GMDS: variants seen among roughly 807,000 people sequenced by gnomAD.
GMDS encodes GDP-mannose 4,6 dehydratase.
In GMDS, 20 loss-of-function variants were observed where a neutral mutation model predicts 49.9. That is an observed-to-expected ratio of 0.40 (90% confidence interval 0.28 to 0.58). GMDS has a LOEUF of 0.58. Among genes scored for constraint, GMDS ranks in the 20% least tolerant of loss-of-function variants. The pLI is 0.42. For missense variants in GMDS, 362 were observed against 481.4 expected (o/e 0.75, Z 2.32); for synonymous variants, 177 against 178.6 (o/e 0.99, Z 0.07).
intron 4 of GMDS, among the ~76,000 whole-genome samples, chr6:1,965,789 T>G (rs1369591413): frequency 2.6e-5 from 4 of 152,058 alleles, no homozygotes; most frequent in Admixed American, 2.0e-4. Context: ...GCCATGATCA[T>G]GACACTGCAC....
At chr6:2,188,398 G>A (rs904700420) in intron 1 of GMDS, among the ~76,000 whole-genome samples, 10 of 152,108 alleles carry the variant, frequency 6.6e-5, no homozygotes, top group Non-Finnish European at 1.3e-4. Context: ...GCCTCATCTG[G>A]GATGTCTGAA....
chr6:1,666,939 A>G (rs747987052), intron 9 of GMDS, among the ~76,000 whole-genome samples: 31 of 152,180 alleles, frequency 2.0e-4, no homozygotes, highest in Admixed American at 1.3e-4. Context: ...CCTCTGGGGG[A>G]AGGGCACTGT....
chr6:1,765,424 C>A (rs1248482884), intron 7 of GMDS, among the ~76,000 whole-genome samples: 1 of 152,128 alleles, frequency 6.6e-6, no homozygotes, highest in Non-Finnish European at 1.5e-5. Flanking sequence ...TGAAAAACCC[C>A]TCGAGCAGAT....
intron 7 of GMDS, among the ~76,000 whole-genome samples, chr6:1,906,754 G>A (rs1024952246): frequency 2.0e-5 from 3 of 152,164 alleles, no homozygotes; most frequent in African/African-American, 7.2e-5. Flanking sequence ...GACAAGGAAA[G>A]GAGTAGGAGC....
chr6:1,946,044 T>C (rs1313577969), intron 6 of GMDS, among the ~76,000 whole-genome samples: 3 of 152,192 alleles, frequency 2.0e-5, no homozygotes, highest in African/African-American at 4.8e-5. Context: ...AAATTTCAGG[T>C]GAAAGATTTG....
At chr6:2,084,709 G>A (rs1367795211) in intron 4 of GMDS, among the ~76,000 whole-genome samples, 2 of 151,972 alleles carry the variant, frequency 1.3e-5, no homozygotes, top group African/African-American at 2.4e-5. Context: ...GGGTTTCACC[G>A]TGTTAGCCAG....
chr6:1,780,157 T>C (rs1001221464), intron 7 of GMDS, among the ~76,000 whole-genome samples: 4 of 152,238 alleles, frequency 2.6e-5, no homozygotes, highest in African/African-American at 9.6e-5. Flanking sequence ...TACGTAAAGA[T>C]ACATGCTGGC....
intron 7 of GMDS, among the ~76,000 whole-genome samples, chr6:1,789,563 T>C (rs1352204096): frequency 1.3e-5 from 2 of 150,110 alleles, no homozygotes; most frequent in African/African-American, 4.9e-5. Context: ...CCTGACAGGC[T>C]CTTGCTCTGT....
At chr6:2,226,129 G>C (rs1224571846) in intron 1 of GMDS, among the ~76,000 whole-genome samples, 3 of 152,316 alleles carry the variant, frequency 2.0e-5, no homozygotes, top group South Asian at 4.1e-4. Flanking sequence ...GTTTCTGCTA[G>C]ACCAACACTG....
chr6:1,676,205 C>T (rs1402893040), intron 9 of GMDS, among the ~76,000 whole-genome samples: 2 of 152,156 alleles, frequency 1.3e-5, no homozygotes, highest in Non-Finnish European at 2.9e-5. Context: ...GAATAAAATA[C>T]TTAGGAATCC....
At chr6:1,680,005 C>G (rs1251522743) in intron 9 of GMDS, 1 of 152,180 alleles carries the variant, frequency 6.6e-6, no homozygotes, top group African/African-American at 2.4e-5. Flanking sequence ...ATGTCACAGC[C>G]TGGATAAGCC....
rs756395962 is a variant in GMDS at position 2,124,679 on chromosome 6, T to C, written c.147+8A>G. On this transcript the variant is annotated splice_region_variant and intron_variant, in intron 2 of 10. Transcript: ENST00000380815. ...CAGCCTGCGCCCGCTTCCCATTGAG[T>C]CACCCACCTCATAGCCTTTCTCCAG... 1 of 1,612,470 alleles carries C rather than the reference T, an allele frequency of 6.2e-7. No homozygotes were observed. The highest frequency in any genetic ancestry group is 8.5e-7 in the Non-Finnish European group (1 of 1,178,620).
intron 7 of GMDS, among the ~76,000 whole-genome samples, chr6:1,847,740 A>C (rs1757473747): frequency 6.6e-6 from 1 of 152,114 alleles, no homozygotes; most frequent in Admixed American, 6.5e-5. Flanking sequence ...TTCTTAATTC[A>C]TTTTTCACTT....
intron 9 of GMDS, among the ~76,000 whole-genome samples, chr6:1,661,636 G>A (rs1764077156): frequency 6.6e-6 from 1 of 152,242 alleles, no homozygotes; most frequent in Non-Finnish European, 1.5e-5. Flanking sequence ...GACTGTGGCT[G>A]CAGGAGATCT....
chr6:2,109,916 C>T (rs1774449071), intron 4 of GMDS, among the ~76,000 whole-genome samples: 1 of 152,184 alleles, frequency 6.6e-6, no homozygotes, highest in Non-Finnish European at 1.5e-5. Flanking sequence ...CTTCTAACAG[C>T]AATAGCTACG....
At chr6:1,775,398 T>C (rs1239692990) in intron 7 of GMDS, among the ~76,000 whole-genome samples, 1 of 152,220 alleles carries the variant, frequency 6.6e-6, no homozygotes, top group East Asian at 1.9e-4. Flanking sequence ...CTTTTCCTTT[T>C]ACTCTGTTGA....
intron 7 of GMDS, among the ~76,000 whole-genome samples, chr6:1,826,570 G>A (rs2113714963): frequency 1.3e-5 from 2 of 152,252 alleles, no homozygotes; most frequent in East Asian, 3.9e-4. Context: ...TGTCAATATA[G>A]TTATAAACTC....
intron 7 of GMDS, among the ~76,000 whole-genome samples, chr6:1,858,345 A>G (rs1044141505): frequency 2.0e-4 from 30 of 152,288 alleles, no homozygotes; most frequent in African/African-American, 6.5e-4. Flanking sequence ...TTATAAACGC[A>G]CCAAATATGC....
At chr6:1,925,204 C>T (rs1197779793) in intron 7 of GMDS, among the ~76,000 whole-genome samples, 1 of 152,092 alleles carries the variant, frequency 6.6e-6, no homozygotes, top group Non-Finnish European at 1.5e-5. Context: ...TAATAAAATA[C>T]TGGAAGAGAT....
Sources: allele counts gnomAD v4.1 joint callset (sites outside exome capture counted in the v4.1 genomes callset), GRCh38; gene constraint gnomAD v4.1.1; transcripts MANE v1.5; gene names NCBI Gene and HGNC (gene_info 2026-07-23, HGNC 2026-07-21).